The following COL11A1 variants were observed in gnomAD, a reference collection of about 807,000 sequenced individuals.
The protein encoded by COL11A1 is collagen alpha-1(XI) chain.
COL11A1 carries 74 observed loss-of-function variants against 265.2 expected under a neutral mutation model. The observed-to-expected ratio is 0.28, with a 90% CI of 0.23 to 0.34. The LOEUF is 0.34. Ranked by LOEUF, COL11A1 falls within the 10% of genes least tolerant of loss-of-function variation. The probability of loss-of-function intolerance (pLI) is 1.00; values close to 1 mark genes in which losing one functional copy is unlikely to be tolerated. For synonymous variants in COL11A1, 816 were observed against 727.6 expected (o/e 1.12, Z -1.96); for missense variants, 2,165 against 2,263.6 (o/e 0.96, Z 0.88).
intron 4 of COL11A1, among the ~76,000 whole-genome samples, chr1:103,069,137 G>A (rs1671375984): frequency 6.6e-6 from 1 of 151,560 alleles, no homozygotes; most frequent in African/African-American, 2.4e-5. Flanking sequence ...ATAAAAAGTA[G>A]GAGTATTTAC....
chr1:103,032,192 A>G (rs950275531), intron 4 of COL11A1, among the ~76,000 whole-genome samples: 16 of 152,162 alleles, frequency 1.1e-4, no homozygotes, highest in African/African-American at 3.6e-4. Context: ...GTTTGAGCAC[A>G]TAAATCTGAT....
intron 1 of COL11A1, among the ~76,000 whole-genome samples, chr1:103,098,392 G>GT (rs1331198197): frequency 6.6e-6 from 1 of 151,800 alleles, no homozygotes; most frequent in Non-Finnish European, 1.5e-5. Flanking sequence ...CAGAAGGTTT[G>GT]TAAACCCCTG....
chr1:103,051,218 G>A (rs1382668263), intron 4 of COL11A1, among the ~76,000 whole-genome samples: 2 of 152,220 alleles, frequency 1.3e-5, no homozygotes, highest in East Asian at 3.9e-4. Flanking sequence ...TACAGAGGCA[G>A]GCAGGCCTCC....
At position 103,108,195 on chromosome 1, in the gene COL11A1, C is replaced by CA; in HGVS notation, c.-18dup. On this transcript the variant is annotated 5_prime_UTR_variant, in exon 1 of 67. Transcript: ENST00000370096. ...CGGCTCCATCTCCGAGCCCCGCACT[C>CA]ACAACTGTGAACTCAACCCACGAAA... The CA allele has an allele frequency of 6.2e-7, 1 of 1,609,076 alleles. No homozygotes were observed. The highest frequency in any genetic ancestry group is 1.1e-5 in the South Asian group (1 of 90,884).
intron 9 of COL11A1, among the ~76,000 whole-genome samples, chr1:103,021,191 T>C (rs1184744403): frequency 1.3e-5 from 2 of 151,420 alleles, no homozygotes; most frequent in East Asian, 3.9e-4. Flanking sequence ...AATATTGATA[T>C]AAATTTTAAA....
chr1:103,025,838 T>C, intron 6 of COL11A1: 1 of 1,613,614 alleles, frequency 6.2e-7, no homozygotes, highest in Non-Finnish European at 8.5e-7. Flanking sequence ...GCTTGATAAC[T>C]TTTCTTCTTC....
chr1:102,997,098 A>T lies in COL11A1; in HGVS notation c.2223T>A (p.Ser741=). The change falls in exon 26 of 67, where the codon TCT becomes TCA. Residue 741 remains serine, a synonymous_variant. Coordinates refer to ENST00000370096, the MANE Select transcript of COL11A1 (RefSeq NM_001854.4). ...PPGHPGKEGQ[S]GEKGALGPPG... is the part of the protein sequence containing the mutation. ...AACCTACCAGAGCCCCCTTTTCTCC[A>T]GACTGGCCTTCTTTCCCAGGATGAC... is the stretch of plus-strand genomic sequence containing the variant. The T allele has an allele frequency of 6.2e-7, 1 of 1,612,072 alleles. No homozygotes were observed. The highest frequency in any genetic ancestry group is 8.5e-7 in the Non-Finnish European group (1 of 1,178,510).
chr1:102,943,070 T>G (rs1279591623), intron 42 of COL11A1, among the ~76,000 whole-genome samples: 3 of 152,024 alleles, frequency 2.0e-5, no homozygotes, highest in Non-Finnish European at 4.4e-5. Context: ...CTCATTTCCT[T>G]AACTCCTTAA....
chr1:103,027,724 T>C lies in COL11A1; in HGVS notation c.781-1392A>G, dbSNP rs532728983. Among the ~76,000 whole-genome samples, 654 of 151,690 alleles carry C rather than the reference T, an allele frequency of 4.3e-3. 2 individuals are homozygous for C. Among genetic ancestry groups the C allele is most frequent in the Non-Finnish European group, 7.3e-3 (493 of 67,898 alleles). On this transcript the variant is annotated intron_variant, in intron 5 of 66. Transcript: ENST00000370096. ...ATAAGCTCTAGTAGCTTAAGAGGAGTTATGAATTACAAAAACAATAAGTAA... is the reference window on the plus strand; with the variant it reads ...ATAAGCTCTAGTAGCTTAAGAGGAGCTATGAATTACAAAAACAATAAGTAA...
At chr1:102,908,976 C>T (rs1654325833) in intron 54 of COL11A1, among the ~76,000 whole-genome samples, 1 of 152,038 alleles carries the variant, frequency 6.6e-6, no homozygotes, top group Admixed American at 6.6e-5. Flanking sequence ...CAATTGCTTA[C>T]AATTTCACAA....
chr1:103,014,497 T>C lies in COL11A1; in HGVS notation c.1572+14A>G. 2 of 1,611,830 alleles carry C rather than the reference T, an allele frequency of 1.2e-6. No homozygotes were observed. Among genetic ancestry groups the C allele is most frequent in the Non-Finnish European group, 1.7e-6 (2 of 1,178,066 alleles). On this transcript the variant is annotated intron_variant, in intron 13 of 66. Transcript: ENST00000370096. ...TCAGTCATCTTGTGGGAATGCAAGT[T>C]TATCCTGTCTTACCCGAGCCTGCTG...
At position 102,897,413 on chromosome 1, in the gene COL11A1, C is replaced by T. The variant is rs1023996035; in HGVS notation, c.4302+712G>A. The stretch of plus-strand genomic sequence containing the variant: ...ACACTTAACTATTACTGGATAATGA[C>T]ACTCAAAAATCTCTACCATAAGAAA... On this transcript the variant is annotated intron_variant, in intron 57 of 66. Transcript: ENST00000370096. 4.0e-5 allele frequency among the ~76,000 whole-genome samples: 6 copies of T among 151,154 alleles called. 1 individual carries two copies. The Middle Eastern group carries it at 0.01, about 262-fold the overall frequency.
At chr1:103,008,946 A>G (rs1419770030) in intron 14 of COL11A1, among the ~76,000 whole-genome samples, 1 of 152,200 alleles carries the variant, frequency 6.6e-6, no homozygotes, top group East Asian at 1.9e-4. Context: ...TACTGCTTTT[A>G]TATTCAGATT....
In COL11A1 at chr1:103,026,328, G is replaced by A. The variant is rs1465957578; in HGVS notation, c.785C>T (p.Ala262Val). The A allele has an allele frequency of 6.2e-7, 1 of 1,604,224 alleles. No individual in the cohort carries two copies. The highest frequency in any genetic ancestry group is 1.1e-5 in the South Asian group (1 of 90,880). ...QAQEPQIDEY[A>V]PEDIIEYDYE... ...GTCATATTCGATTATATCCTCTGGT[G>A]CATACTACATTGCAAAGGAAAAAAT... Residue 262 changes from alanine (A) to valine (V), a missense_variant, in exon 6 of 67, where the codon GCA becomes GTA. By Grantham distance (64) the Ala-to-Val change is moderately conservative. Coordinates refer to ENST00000370096, the MANE Select transcript of COL11A1 (RefSeq NM_001854.4).
intron 41 of COL11A1, among the ~76,000 whole-genome samples, chr1:102,956,908 A>T (rs1278193609): frequency 3.3e-5 from 5 of 151,744 alleles, no homozygotes; most frequent in South Asian, 4.1e-4. Flanking sequence ...GTTAATATTT[A>T]AAAAAATTTT....
chr1:103,087,067 A>G (rs1220871112), intron 1 of COL11A1, among the ~76,000 whole-genome samples: 1 of 152,200 alleles, frequency 6.6e-6, no homozygotes, highest in Non-Finnish European at 1.5e-5. Flanking sequence ...CAACTGTTCA[A>G]AGATTAAAAG....
At chr1:103,035,955 A>T (rs761162430) in intron 4 of COL11A1, among the ~76,000 whole-genome samples, 29 of 151,966 alleles carry the variant, frequency 1.9e-4, no homozygotes, top group Non-Finnish European at 3.4e-4. Flanking sequence ...CAACTGAACA[A>T]TTCAGAACAC....
intron 41 of COL11A1, among the ~76,000 whole-genome samples, chr1:102,949,405 G>A (rs996431913): frequency 3.3e-5 from 5 of 150,098 alleles, no homozygotes; most frequent in South Asian, 2.1e-4. Flanking sequence ...TTAATTTGTC[G>A]GGCCATAAAA....
At chr1:103,097,438 T>A (rs1673867119) in intron 1 of COL11A1, among the ~76,000 whole-genome samples, 1 of 151,968 alleles carries the variant, frequency 6.6e-6, no homozygotes, top group Non-Finnish European at 1.5e-5. Context: ...AGTTAATTAA[T>A]CAATGCTCAA....
Sources: allele counts gnomAD v4.1 joint callset (sites outside exome capture counted in the v4.1 genomes callset), GRCh38; gene constraint gnomAD v4.1.1; transcripts MANE v1.5; gene names NCBI Gene and HGNC (gene_info 2026-07-23, HGNC 2026-07-21).